TMEM178B: variants seen among roughly 807,000 people sequenced by gnomAD.
TMEM178B encodes the protein transmembrane protein 178B.
A neutral mutation model predicts 31.0 loss-of-function variants in TMEM178B; 5 were observed. The observed-to-expected ratio is 0.16, with a 90% confidence interval of 0.08 to 0.34. TMEM178B has a LOEUF of 0.34. Ranked by LOEUF, TMEM178B falls within the 10% of genes least tolerant of loss-of-function variation. The probability of loss-of-function intolerance (pLI) is 1.00; values close to 1 mark genes in which losing one functional copy is unlikely to be tolerated. For missense variants in TMEM178B, 275 were observed against 400.3 expected, an observed-to-expected ratio of 0.69 and a Z score of 2.67; for synonymous variants, 164 against 164.0, an observed-to-expected ratio of 1.00 and a Z score of 0.00.
At chr7:141,231,329 G>A (rs911430086) in intron 2 of TMEM178B, among the ~76,000 whole-genome samples, 11 of 148,612 alleles carry the variant, frequency 7.4e-5, no homozygotes, top group South Asian at 2.1e-4. Context: ...AAAAAAACAC[G>A]ACAAGGCTGC....
At chr7:141,349,301 A>T (rs1225974325) in intron 2 of TMEM178B, among the ~76,000 whole-genome samples, 1 of 152,226 alleles carries the variant, frequency 6.6e-6, no homozygotes, top group Non-Finnish European at 1.5e-5. Flanking sequence ...GTATATTTAT[A>T]TGCACATTAG....
chr7:141,280,036 C>A (rs1269531963), intron 2 of TMEM178B, among the ~76,000 whole-genome samples: 1 of 152,222 alleles, frequency 6.6e-6, no homozygotes, highest in African/African-American at 2.4e-5. Flanking sequence ...GTAAGTGGGG[C>A]CCCCATGGGC....
intron 2 of TMEM178B, among the ~76,000 whole-genome samples, chr7:141,216,492 GA>G (rs1797154910): frequency 6.8e-6 from 1 of 146,528 alleles, no homozygotes; most frequent in Non-Finnish European, 1.5e-5. Context: ...TGGTGGGGAA[GA>G]AGGGTGATCT....
chr7:141,092,251 G>T (rs1222712814), intron 1 of TMEM178B, among the ~76,000 whole-genome samples: 3 of 152,132 alleles, frequency 2.0e-5, no homozygotes, highest in Non-Finnish European at 2.9e-5. Flanking sequence ...AAGAGACTTG[G>T]GTGGGCTTGG....
intron 2 of TMEM178B, among the ~76,000 whole-genome samples, chr7:141,382,227 T>C (rs1800330474): frequency 6.6e-6 from 1 of 152,200 alleles, no homozygotes; most frequent in African/African-American, 2.4e-5. Flanking sequence ...CTATTACGCT[T>C]AGGTCAATAT....
At chr7:141,154,562 C>T (rs1796033574) in intron 1 of TMEM178B, among the ~76,000 whole-genome samples, 1 of 152,144 alleles carries the variant, frequency 6.6e-6, no homozygotes. Flanking sequence ...TGGGTCAGGG[C>T]AGCTGTTCCT....
intron 2 of TMEM178B, among the ~76,000 whole-genome samples, chr7:141,383,295 T>G (rs144956569): frequency 0.031 from 4,769 of 152,040 alleles, 113 homozygotes; most frequent in African/African-American, 0.062. Context: ...TGTATACATG[T>G]GCCATGTTGG....
rs185015479 is a variant in TMEM178B, at chr7:141,231,607, T to C, written c.496+18903T>C. ...ATTTAGAGACGGAAGCAAAGCCTGC[T>C]CCCTGGGGGCTGGAAGGGCCCTCTC... is the stretch of plus-strand genomic sequence containing the variant. On this transcript the variant is annotated intron_variant, in intron 2 of 3. Coordinates refer to ENST00000565468, the MANE Select transcript of TMEM178B (RefSeq NM_001195278.2). Among the ~76,000 whole-genome samples, 7 of 152,324 alleles carry C rather than the reference T, an allele frequency of 4.6e-5. No homozygotes were observed. In the East Asian group the frequency reaches 1.2e-3, roughly 25 times the overall value.
At chr7:141,510,685 C>CAAAAAAAAAAAAAAAA in the TMEM178B span, among the ~76,000 whole-genome samples, 76 of 24,952 alleles carry the variant, frequency 3.0e-3, 8 homozygotes, top group Admixed American at 3.4e-3. Flanking sequence ...AACTCCGTCT[C>CAAAAAAAAAAAAAAAA]AAAAAAAAAA....
chr7:141,424,505 C>T (rs766020179), intron 2 of TMEM178B, among the ~76,000 whole-genome samples: 15 of 152,240 alleles, frequency 9.9e-5, no homozygotes, highest in Non-Finnish European at 1.9e-4. Context: ...GGCCAGGCCT[C>T]TCTTCCATCA....
intron 3 of TMEM178B, among the ~76,000 whole-genome samples, chr7:141,457,011 G>T (rs1801975845): frequency 6.6e-6 from 1 of 152,188 alleles, no homozygotes; most frequent in Admixed American, 6.5e-5. Flanking sequence ...CTCTTAATTT[G>T]TTTCCTTTCC....
intron 3 of TMEM178B, among the ~76,000 whole-genome samples, chr7:141,460,278 C>A (rs902103490): frequency 6.6e-6 from 1 of 152,216 alleles, no homozygotes; most frequent in African/African-American, 2.4e-5. Context: ...TGCAGATGGC[C>A]TCCCTCTTCG....
chr7:141,141,631 G>A (rs1056186872), intron 1 of TMEM178B, among the ~76,000 whole-genome samples: 2 of 152,128 alleles, frequency 1.3e-5, no homozygotes, highest in African/African-American at 2.4e-5. Context: ...ATACATAGCT[G>A]GCCCTCAATC....
intron 2 of TMEM178B, among the ~76,000 whole-genome samples, chr7:141,290,017 A>G (rs1357614659): frequency 6.6e-6 from 1 of 152,134 alleles, no homozygotes; most frequent in Non-Finnish European, 1.5e-5. Context: ...AAGAAATGGA[A>G]CAAGGCAGGG....
chr7:141,287,279 A>G (rs1030845802), intron 2 of TMEM178B, among the ~76,000 whole-genome samples: 1 of 152,160 alleles, frequency 6.6e-6, no homozygotes, highest in African/African-American at 2.4e-5. Context: ...ACTTATTTTA[A>G]CAAGTGGATA....
At chr7:141,127,515 A>T (rs929960042) in intron 1 of TMEM178B, among the ~76,000 whole-genome samples, 1 of 152,166 alleles carries the variant, frequency 6.6e-6, no homozygotes, top group Non-Finnish European at 1.5e-5. Context: ...GGGCCACGTG[A>T]ATATGTAGGC....
intron 2 of TMEM178B, among the ~76,000 whole-genome samples, chr7:141,273,982 G>T (rs918147075): frequency 6.6e-6 from 1 of 152,186 alleles, no homozygotes; most frequent in Non-Finnish European, 1.5e-5. Flanking sequence ...GGTTTCTTCG[G>T]CAAACCAACT....
At chr7:141,430,140 A>C (rs1801397073) in intron 2 of TMEM178B, 1 of 152,202 alleles carries the variant, frequency 6.6e-6, no homozygotes, top group Admixed American at 6.5e-5. Flanking sequence ...GGGTGGATGC[A>C]ACTCAGTATC....
At chr7:141,414,750 G>A (rs1234788260) in intron 2 of TMEM178B, 1 of 152,212 alleles carries the variant, frequency 6.6e-6, no homozygotes, top group Non-Finnish European at 1.5e-5. Context: ...TATTATAAAT[G>A]TGTATTTATA....
Sources: allele counts gnomAD v4.1 joint callset (sites outside exome capture counted in the v4.1 genomes callset), GRCh38; gene constraint gnomAD v4.1.1; transcripts MANE v1.5; gene names NCBI Gene and HGNC (gene_info 2026-07-23, HGNC 2026-07-21).